The following OSBPL1A variants were observed in gnomAD, a reference collection of about 807,000 sequenced individuals.
OSBPL1A encodes the protein oxysterol-binding protein-related protein 1.
OSBPL1A carries 80 observed loss-of-function variants against 137.1 expected under a neutral mutation model. That is an observed-to-expected ratio of 0.58 (90% confidence interval 0.49 to 0.70). The LOEUF (loss-of-function observed/expected upper bound fraction) is 0.70, where lower values mean the gene tolerates loss of function less well. OSBPL1A is among the 30% of genes least tolerant of loss of function. The pLI, the probability that OSBPL1A is intolerant of heterozygous loss-of-function variation, is 0.00. For missense variants in OSBPL1A, 970 were observed against 1,129.4 expected (o/e 0.86, Z 2.02); for synonymous variants, 365 against 389.7 (o/e 0.94, Z 0.75).
At chr18:24,168,736 G>A (rs2086202939) in intron 24 of OSBPL1A, among the ~76,000 whole-genome samples, 1 of 152,168 alleles carries the variant, frequency 6.6e-6, no homozygotes, top group Non-Finnish European at 1.5e-5. Flanking sequence ...CTGTGTTCAG[G>A]AACGTCAGAA....
At chr18:24,394,537 C>A (rs1203242620) in intron 1 of OSBPL1A, among the ~76,000 whole-genome samples, 1 of 152,156 alleles carries the variant, frequency 6.6e-6, no homozygotes, top group Non-Finnish European at 1.5e-5. Flanking sequence ...GAGAACCCTA[C>A]AAATTTAACA....
At chr18:24,202,670 T>C (rs1194090134) in intron 17 of OSBPL1A, among the ~76,000 whole-genome samples, 1 of 152,150 alleles carries the variant, frequency 6.6e-6, no homozygotes, top group Non-Finnish European at 1.5e-5. Context: ...ATGAACAAAA[T>C]AAAAACAATT....
intron 6 of OSBPL1A, 104 bp from the exon 7 acceptor site, chr18:24,333,190 T>C (rs2091115224): frequency 7.9e-7 from 1 of 1,260,436 alleles, no homozygotes; most frequent in East Asian, 2.5e-5. Flanking sequence ...ATAGCCAAGC[T>C]CCTTGGCATC....
chr18:24,184,386 C>T (rs1324078832), intron 18 of OSBPL1A, among the ~76,000 whole-genome samples: 1 of 152,128 alleles, frequency 6.6e-6, no homozygotes, highest in African/African-American at 2.4e-5. Flanking sequence ...TAACTGAACA[C>T]CTACTATGTG....
At chr18:24,223,368 A>T (rs1400738634) in intron 17 of OSBPL1A, among the ~76,000 whole-genome samples, 3 of 152,128 alleles carry the variant, frequency 2.0e-5, no homozygotes, top group Non-Finnish European at 4.4e-5. Flanking sequence ...AAAAATAGGA[A>T]TTACGTATTC....
chr18:24,339,159 A>G (rs2091232974), intron 5 of OSBPL1A, among the ~76,000 whole-genome samples: 2 of 151,954 alleles, frequency 1.3e-5, no homozygotes, highest in South Asian at 4.2e-4. Flanking sequence ...TTTAGTAGAG[A>G]TGGGGTTTCA....
chr18:24,229,501 G>A (rs2088199694), intron 16 of OSBPL1A, among the ~76,000 whole-genome samples: 1 of 152,216 alleles, frequency 6.6e-6, no homozygotes, highest in Non-Finnish European at 1.5e-5. Flanking sequence ...AACCATTCTT[G>A]AGAGATTATA....
chr18:24,206,214 G>T (rs1424119178), intron 17 of OSBPL1A, among the ~76,000 whole-genome samples: 1 of 152,152 alleles, frequency 6.6e-6, no homozygotes, highest in African/African-American at 2.4e-5. Flanking sequence ...CCTGGATGGT[G>T]AATGCCAGCC....
intron 20 of OSBPL1A, among the ~76,000 whole-genome samples, chr18:24,178,714 C>A (rs1413643021): frequency 1.3e-5 from 2 of 152,116 alleles, no homozygotes; most frequent in African/African-American, 4.8e-5. Context: ...ACAAAGAACA[C>A]CCAGATGAAT....
chr18:24,186,981 G>A (rs566871590), intron 18 of OSBPL1A, among the ~76,000 whole-genome samples: 3 of 149,800 alleles, frequency 2.0e-5, no homozygotes, highest in South Asian at 2.1e-4. Context: ...GCCTCATACC[G>A]CAGCAGCTGG....
At chr18:24,214,511 T>C (rs1158198304) in intron 17 of OSBPL1A, among the ~76,000 whole-genome samples, 3 of 152,176 alleles carry the variant, frequency 2.0e-5, no homozygotes, top group Admixed American at 6.5e-5. Flanking sequence ...TAGAAATCTC[T>C]TGGGCTCTCT....
intron 16 of OSBPL1A, among the ~76,000 whole-genome samples, chr18:24,236,586 G>A (rs1045515089): frequency 2.6e-5 from 4 of 152,162 alleles, no homozygotes; most frequent in Admixed American, 2.6e-4. Context: ...CCACAGAAGG[G>A]CTACTGTGTT....
At chr18:24,274,600 G>GA (rs1447431734) in intron 15 of OSBPL1A, among the ~76,000 whole-genome samples, 1 of 151,986 alleles carries the variant, frequency 6.6e-6, no homozygotes, top group African/African-American at 2.4e-5. Context: ...ATAGGCAGAT[G>GA]AAAAAATGCT....
At chr18:24,242,467 G>A (rs2088734173) in intron 15 of OSBPL1A, among the ~76,000 whole-genome samples, 1 of 151,912 alleles carries the variant, frequency 6.6e-6, no homozygotes, top group Non-Finnish European at 1.5e-5. Context: ...ATTACTCACT[G>A]CCAAATCTAA....
intron 15 of OSBPL1A, among the ~76,000 whole-genome samples, chr18:24,254,973 C>A (rs374398892): frequency 1.3e-5 from 2 of 151,648 alleles, no homozygotes; most frequent in African/African-American, 4.8e-5. Flanking sequence ...AAAGAAAAAA[C>A]GGGGGAAAAC....
Position 24,163,216 on chromosome 18 carries a change from C to T in OSBPL1A, c.2816G>A (p.Trp939Ter). The T allele has an allele frequency of 1.2e-6, 2 of 1,613,422 alleles. No homozygotes were observed. The highest frequency in any genetic ancestry group is 1.7e-6 in the Non-Finnish European group (2 of 1,179,550). ...AGGCAAATTGAAGTAATTTCTGTCCCAGTAGCTGCCAGAGTAAATCCAGTC... is the reference window on the plus strand; with the variant it reads ...AGGCAAATTGAAGTAATTTCTGTCCTAGTAGCTGCCAGAGTAAATCCAGTC... The part of the protein sequence containing the change: ...AQDWIYSGSY[W>*]DRNYFNLPDI... The change falls in exon 28 of 28, where the codon TGG becomes TAG. Residue 939 changes from tryptophan (W) to a stop codon, truncating the protein, a stop_gained. Transcript: ENST00000319481. LOFTEE classifies it high-confidence loss of function.
chr18:24,351,347 C>CAAAAAAAAAGAAAAA (rs2091435949), intron 4 of OSBPL1A, among the ~76,000 whole-genome samples: 1 of 35,774 alleles, frequency 2.8e-5, no homozygotes, highest in Admixed American at 4.2e-4. Context: ...GACTCTGTCT[C>CAAAAAAAAAGAAAAA]AAAAAAAAAA....
intron 1 of OSBPL1A, among the ~76,000 whole-genome samples, chr18:24,392,888 G>T (rs916852660): frequency 1.3e-5 from 2 of 151,906 alleles, no homozygotes; most frequent in Admixed American, 6.6e-5. Flanking sequence ...ATGTGGTCTG[G>T]CTACATTGCC....
At chr18:24,212,551 TAAATCTGAGAGTAA>T (rs2087576860) in intron 17 of OSBPL1A, among the ~76,000 whole-genome samples, 2 of 152,172 alleles carry the variant, frequency 1.3e-5, no homozygotes, top group South Asian at 4.1e-4. Context: ...TCTTAACATT[TAAATCTGAGAGTAA>T]ATACTGGTTT....
Sources: gnomAD v4.1 joint callset for allele counts (sites outside exome capture counted in the v4.1 genomes callset) on GRCh38, gnomAD v4.1.1 for gene constraint, MANE v1.5 for transcripts, NCBI Gene and HGNC (gene_info 2026-07-23, HGNC 2026-07-21) for gene names.